The following METTL9 variants were observed in gnomAD, a reference collection of about 807,000 sequenced individuals.
The protein encoded by METTL9 is methyltransferase 9, His-X-His N1(pi)-histidine, also known as protein-L-histidine N-pros-methyltransferase.
METTL9 carries 10 observed loss-of-function variants against 36.0 expected under a neutral mutation model. That is an observed-to-expected ratio of 0.28 (90% CI 0.17 to 0.47). METTL9 has a LOEUF of 0.47. Among genes scored for constraint, METTL9 ranks in the 20% least tolerant of loss-of-function variants. METTL9 has a pLI of 0.99. For missense variants in METTL9, 246 were observed against 383.5 expected (o/e 0.64, Z 3.00); for synonymous variants, 175 against 149.7 (o/e 1.17, Z -1.23).
At chr16:21,625,484 G>A (rs1442166542) in intron 4 of METTL9, among the ~76,000 whole-genome samples, 2 of 152,174 alleles carry the variant, frequency 1.3e-5, no homozygotes, top group Non-Finnish European at 2.9e-5. Context: ...TATACTTGCT[G>A]AATGTCATGG....
chr16:21,601,324 C>CA (rs934457603), intron 1 of METTL9, among the ~76,000 whole-genome samples: 1 of 152,126 alleles, frequency 6.6e-6, no homozygotes, highest in Non-Finnish European at 1.5e-5. Context: ...ACATATGGAA[C>CA]AATGGGGTAG....
chr16:21,636,728 T>C (rs921879214), intron 4 of METTL9, among the ~76,000 whole-genome samples: 1 of 152,172 alleles, frequency 6.6e-6, no homozygotes, highest in Non-Finnish European at 1.5e-5. Flanking sequence ...AGTCGGGGGT[T>C]GTTAGCCCTT....
intron 4 of METTL9, among the ~76,000 whole-genome samples, chr16:21,646,116 T>A (rs1488572465): frequency 6.6e-6 from 1 of 151,850 alleles, no homozygotes; most frequent in East Asian, 1.9e-4. Context: ...TGTTCTCTTT[T>A]TTCCTTCAGA....
chr16:21,653,760 C>G (rs767573324), intron 4 of METTL9: 5 of 152,348 alleles, frequency 3.3e-5, no homozygotes. Flanking sequence ...ATCCCCACTA[C>G]TCTGGGTCAC....
intron 4 of METTL9, among the ~76,000 whole-genome samples, chr16:21,637,441 C>T (rs1319993700): frequency 6.6e-6 from 1 of 152,230 alleles, no homozygotes; most frequent in East Asian, 1.9e-4. Flanking sequence ...CGTTTACAAA[C>T]CTTTAAGTAG....
At chr16:21,637,407 C>A (rs534580388) in intron 4 of METTL9, among the ~76,000 whole-genome samples, 113 of 152,314 alleles carry the variant, frequency 7.4e-4, no homozygotes, top group African/African-American at 2.3e-3. Context: ...AAACCATTAG[C>A]TAGACACAGA....
chr16:21,655,025 G>A, intron 4 of METTL9: 1 of 591,260 alleles, frequency 1.7e-6, no homozygotes, highest in Non-Finnish European at 3.0e-6. Flanking sequence ...TGCAAGCGTG[G>A]GCAAGTTCTT....
intron 4 of METTL9, among the ~76,000 whole-genome samples, chr16:21,634,335 G>A (rs544392979): frequency 3.9e-5 from 6 of 152,290 alleles, no homozygotes; most frequent in African/African-American, 1.4e-4. Context: ...TCATCCGGTT[G>A]GGGGCTTCTG....
At chr16:21,610,191 C>T (rs1965394863) in intron 1 of METTL9, among the ~76,000 whole-genome samples, 1 of 152,196 alleles carries the variant, frequency 6.6e-6, no homozygotes, top group Admixed American at 6.5e-5. Flanking sequence ...CTACTATCTA[C>T]TTTCTATCTC....
intron 4 of METTL9, among the ~76,000 whole-genome samples, chr16:21,648,648 C>G (rs950149028): frequency 1.3e-5 from 2 of 152,180 alleles, no homozygotes; most frequent in Admixed American, 1.3e-4. Context: ...GAAAGCCACT[C>G]GAGTGCACAA....
intron 4 of METTL9, chr16:21,644,437 G>C (rs1304281258): frequency 1.4e-6 from 2 of 1,389,802 alleles, no homozygotes; most frequent in Admixed American, 3.4e-5. Flanking sequence ...GACTATTAAA[G>C]CCTATTCTTT....
chr16:21,597,224 G>T (rs1451218876), upstream of METTL9: 1 of 1,275,118 alleles, frequency 7.8e-7, no homozygotes, highest in Admixed American at 2.3e-5. Context: ...AATTCAGGAG[G>T]CTCTCTGAGA....
At position 21,605,257 on chromosome 16, in the gene METTL9, C is replaced by CTTTTTTTTTTTTTTT. The variant is rs3046231; in HGVS notation, c.165+5384_165+5398dup. Among the ~76,000 whole-genome samples, 109 of 51,232 alleles carry CTTTTTTTTTTTTTTT rather than the reference C, an allele frequency of 2.1e-3. 32 individuals carry two copies. Among genetic ancestry groups the CTTTTTTTTTTTTTTT allele is most frequent in the Non-Finnish European group, 2.8e-3 (72 of 25,856 alleles). 33.6% of individuals were successfully genotyped at this position (51,232 alleles called of 152,430 possible). ...GGGGTGGTAAAAATAGGCTTGCCTT[C>CTTTTTTTTTTTTTTT]TTTTTTTTTTTTTTTTTTTTTTTTT... is the stretch of plus-strand genomic sequence containing the variant. On this transcript the variant is annotated intron_variant, in intron 1 of 4. Coordinates refer to ENST00000358154, the MANE Select transcript of METTL9 (RefSeq NM_016025.5).
chr16:21,603,542 A>C (rs907202198), intron 1 of METTL9, among the ~76,000 whole-genome samples: 1 of 152,202 alleles, frequency 6.6e-6, no homozygotes. Flanking sequence ...GTCACTTTGC[A>C]ATGTTGGCAG....
chr16:21,613,283 A>G (rs1005813490), intron 2 of METTL9, among the ~76,000 whole-genome samples: 1 of 146,048 alleles, frequency 6.8e-6, no homozygotes, highest in African/African-American at 2.5e-5. Flanking sequence ...TCCCGGGTTT[A>G]AGTAATTCTC....
At chr16:21,601,436 T>C (rs1052236027) in intron 1 of METTL9, among the ~76,000 whole-genome samples, 1 of 152,200 alleles carries the variant, frequency 6.6e-6, no homozygotes, top group African/African-American at 2.4e-5. Context: ...TGGGGGATTA[T>C]GGTTGAGTCT....
chr16:21,642,462 CTCA>C (rs1035474935), intron 4 of METTL9: 1 of 152,142 alleles, frequency 6.6e-6, no homozygotes, highest in African/African-American at 2.4e-5. Flanking sequence ...TTTGAGCTAT[CTCA>C]TCATGCATCA....
At chr16:21,622,141 C>CCTTTTTTTTTTTTTTTT (rs1965714912) in intron 3 of METTL9, among the ~76,000 whole-genome samples, 2 of 34,922 alleles carry the variant, frequency 5.7e-5, no homozygotes, top group Non-Finnish European at 9.2e-5. Flanking sequence ...CATGCCTGGC[C>CCTTTTTTTTTTTTTTTT]TTTTTTTTTT....
chr16:21,620,946 C>T (rs1460194303), intron 3 of METTL9, among the ~76,000 whole-genome samples: 2 of 151,810 alleles, frequency 1.3e-5, no homozygotes, highest in Admixed American at 6.6e-5. Context: ...ATATCTGGGC[C>T]ATGAAAAACA....
Sources: gnomAD v4.1 joint callset for allele counts (sites outside exome capture counted in the v4.1 genomes callset) on GRCh38, gnomAD v4.1.1 for gene constraint, MANE v1.5 for transcripts, NCBI Gene and HGNC (gene_info 2026-07-23, HGNC 2026-07-21) for gene names.